Variants in GALNTL5 observed in about 807,000 individuals in gnomAD.
GALNTL5 encodes the protein polypeptide N-acetylgalactosaminyltransferase like 5, also known as inactive polypeptide N-acetylgalactosaminyltransferase-like protein 5.
A neutral mutation model predicts 51.0 loss-of-function variants in GALNTL5; 44 were observed. The observed-to-expected ratio is 0.86, with a 90% CI of 0.68 to 1.11. GALNTL5 has a LOEUF of 1.11. Ranked by LOEUF, GALNTL5 falls within the 50% of genes least tolerant of loss-of-function variation. The pLI is 0.00. For synonymous variants in GALNTL5, 192 were observed against 182.8 expected (o/e 1.05, Z -0.41); for missense variants, 528 against 531.8 (o/e 0.99, Z 0.07).
chr7:151,984,479 C>G (rs2081336155), intron 4 of GALNTL5, among the ~76,000 whole-genome samples: 1 of 152,172 alleles, frequency 6.6e-6, no homozygotes, highest in Non-Finnish European at 1.5e-5. Context: ...ATGAGGTTCA[C>G]CCTGCGGGGA....
intron 3 of GALNTL5, among the ~76,000 whole-genome samples, chr7:151,979,394 G>A (rs1323500127): frequency 2.0e-5 from 3 of 149,600 alleles, no homozygotes; most frequent in African/African-American, 7.4e-5. Context: ...GATTACAGGT[G>A]TGAGCCACCA....
At chr7:152,007,972 C>T (rs757246641) in intron 7 of GALNTL5, 28 bp downstream of exon 7, 2 of 1,210,660 alleles carry the variant, frequency 1.7e-6, no homozygotes, top group East Asian at 2.3e-5. Context: ...TTTAAAATAG[C>T]TATAGAGAGT....
At chr7:151,965,152 C>T (rs148201829) in intron 1 of GALNTL5, among the ~76,000 whole-genome samples, 2 of 152,330 alleles carry the variant, frequency 1.3e-5, no homozygotes, top group East Asian at 3.9e-4. Context: ...AAGCCCAAAG[C>T]CATGTGTCCA....
intron 3 of GALNTL5, among the ~76,000 whole-genome samples, chr7:151,980,172 C>T (rs56039849): frequency 0.045 from 6,798 of 152,184 alleles, 480 homozygotes; most frequent in African/African-American, 0.15. Flanking sequence ...CAACCTCCGC[C>T]TTCTGGGTTC....
intron 1 of GALNTL5, among the ~76,000 whole-genome samples, chr7:151,961,300 G>T (rs988804037): frequency 6.6e-6 from 1 of 151,638 alleles, no homozygotes; most frequent in South Asian, 2.1e-4. Flanking sequence ...TCAGGAGTTC[G>T]AAACCAGCCT....
Position 152,019,806 on chromosome 7 carries a change from A to C in GALNTL5, c.*5A>C, listed in dbSNP as rs201299552. On this transcript the variant is annotated 3_prime_UTR_variant, in exon 9 of 9. Transcript: ENST00000392800. ...GCATCTGTGAACAGCCTGTGAAAGG[A>C]AAACAAATCACTTTCATTAATAAAG... 7.9e-5 allele frequency: 127 copies of C among 1,601,024 alleles called. No homozygotes were observed. Among genetic ancestry groups the C allele is most frequent in the Non-Finnish European group, 9.5e-5 (111 of 1,171,746 alleles).
At position 152,008,598 on chromosome 7, in the gene GALNTL5, C is replaced by T. The variant is rs79186693; in HGVS notation, c.1026+654C>T. ...CTTCTTTTGGCCAGTTATTTGTTCA[C>T]TTTTAAAGTTCCCAAGCAGACTTCT... On this transcript the variant is annotated intron_variant, in intron 7 of 8. Transcript: ENST00000392800. 2.5e-3 allele frequency among the ~76,000 whole-genome samples: 377 copies of T among 150,624 alleles called. 1 individual carries two copies. The highest frequency in any genetic ancestry group is 8.8e-3 in the African/African-American group (362 of 41,010).
rs557773078 is a variant in GALNTL5, at chr7:151,956,471, C to G, written c.-178C>G. Reference sequence around the variant, plus strand: ...AGCACAACCAGGTATCTGCTTGGAACCCAGCCACCATAAAGCCTGCTAGCT... The same window carrying G: ...AGCACAACCAGGTATCTGCTTGGAAGCCAGCCACCATAAAGCCTGCTAGCT... On this transcript the variant is annotated 5_prime_UTR_variant, in exon 1 of 9. Coordinates refer to ENST00000392800, the MANE Select transcript of GALNTL5 (RefSeq NM_145292.4). 1 of 152,418 alleles carries G rather than the reference C, an allele frequency of 6.6e-6. No homozygotes were observed. The highest frequency in any genetic ancestry group is 6.5e-5 in the Admixed American group (1 of 15,306). 9.4% of individuals were successfully genotyped at this position (152,418 alleles called of 1,614,324 possible). A position where few individuals can be genotyped will look rare whatever the true frequency, so the allele number is the denominator to read the frequency against.
chr7:151,987,834 G>A (rs2081378762), intron 5 of GALNTL5, among the ~76,000 whole-genome samples: 1 of 152,346 alleles, frequency 6.6e-6, no homozygotes, highest in Non-Finnish European at 1.5e-5. Context: ...GTCTCAGAAA[G>A]GCTCAGTGGG....
intron 5 of GALNTL5, among the ~76,000 whole-genome samples, chr7:152,001,859 T>A (rs1217453655): frequency 2.6e-5 from 4 of 152,186 alleles, no homozygotes; most frequent in Non-Finnish European, 5.9e-5. Context: ...GATTTTTTTA[T>A]ACCTTTCTAA....
chr7:152,019,525 G>C, intron 8 of GALNTL5, 121 bp from the exon 9 acceptor site: 1 of 929,348 alleles, frequency 1.1e-6, no homozygotes, highest in Admixed American at 2.5e-5. Flanking sequence ...AAAAAATTGG[G>C]ATCTGGAGGG....
At chr7:151,985,066 G>A (rs1417462063) in intron 4 of GALNTL5, among the ~76,000 whole-genome samples, 1 of 152,110 alleles carries the variant, frequency 6.6e-6, no homozygotes, top group Non-Finnish European at 1.5e-5. Flanking sequence ...TCTTAGAGTG[G>A]GCCCTCTTCC....
At chr7:152,007,564 G>T (rs773492172) in intron 6 of GALNTL5, among the ~76,000 whole-genome samples, 1 of 151,608 alleles carries the variant, frequency 6.6e-6, no homozygotes, top group East Asian at 1.9e-4. Flanking sequence ...GACTACAGGC[G>T]CATGCCACCT....
intron 3 of GALNTL5, among the ~76,000 whole-genome samples, chr7:151,978,162 A>G (rs1289477963): frequency 2.0e-5 from 3 of 152,146 alleles, no homozygotes; most frequent in Non-Finnish European, 2.9e-5. Flanking sequence ...TATTCATTTT[A>G]TTCAGATTTA....
At chr7:151,974,621 C>G (rs996339765) in intron 3 of GALNTL5, among the ~76,000 whole-genome samples, 2 of 152,168 alleles carry the variant, frequency 1.3e-5, no homozygotes, top group Non-Finnish European at 2.9e-5. Flanking sequence ...AAATAAAAAA[C>G]TTAAATTTAC....
chr7:152,016,585 A>G (rs1380314173), intron 8 of GALNTL5, among the ~76,000 whole-genome samples: 9 of 152,200 alleles, frequency 5.9e-5, no homozygotes, highest in Non-Finnish European at 1.3e-4. Flanking sequence ...TGCATATGCT[A>G]CAGAAGCGCA....
chr7:152,002,364 T>C (rs1042648670), intron 5 of GALNTL5, among the ~76,000 whole-genome samples: 13 of 151,892 alleles, frequency 8.6e-5, no homozygotes, highest in Admixed American at 8.5e-4. Flanking sequence ...CCTAAGAAGG[T>C]GTCCTTTCAG....
At chr7:151,989,239 T>G (rs2081397616) in intron 5 of GALNTL5, among the ~76,000 whole-genome samples, 1 of 151,600 alleles carries the variant, frequency 6.6e-6, no homozygotes, top group African/African-American at 2.4e-5. Context: ...AACCTCCATC[T>G]CCCAGGTTTA....
intron 8 of GALNTL5, among the ~76,000 whole-genome samples, chr7:152,017,418 C>G (rs1324268717): frequency 6.6e-6 from 1 of 152,208 alleles, no homozygotes; most frequent in Non-Finnish European, 1.5e-5. Context: ...GAAACTTCAT[C>G]ACGTGGTACA....
Sources: allele counts gnomAD v4.1 joint callset (sites outside exome capture counted in the v4.1 genomes callset), GRCh38; gene constraint gnomAD v4.1.1; transcripts MANE v1.5; gene names NCBI Gene and HGNC (gene_info 2026-07-23, HGNC 2026-07-21).